The following ID2 variants were observed in gnomAD, a reference collection of about 807,000 sequenced individuals.
The protein encoded by ID2 is DNA-binding protein inhibitor ID-2.
Under a neutral mutation model 8.3 loss-of-function variants are expected in ID2, and 2 were observed. That is an observed-to-expected ratio of 0.24 (90% CI 0.10 to 0.76). The LOEUF (loss-of-function observed/expected upper bound fraction) is 0.76, where lower values mean the gene tolerates loss of function less well. Ranked by LOEUF, ID2 falls within the 30% of genes least tolerant of loss-of-function variation. ID2 has a pLI of 0.73. For missense variants in ID2, 155 were observed against 167.0 expected, an observed-to-expected ratio of 0.93 and a Z score of 0.40; for synonymous variants, 112 against 72.3, an observed-to-expected ratio of 1.55 and a Z score of -2.79.
rs1553298960 is a variant in ID2, at chr2:8,682,775, A to AC, written c.349-68_349-67insC. On this transcript the variant is annotated intron_variant, in intron 1 of 2. Coordinates refer to ENST00000396290, the MANE Select transcript of ID2 (RefSeq NM_002166.5). ...GTCTGTGGACTACAAAAAAAAAAAA[A>AC]AAAAAAAAAAAACCCTTTCTACTTA... The AC allele has an allele frequency of 2.3e-4, 269 of 1,179,016 alleles. 1 individual carries two copies. The highest frequency in any genetic ancestry group is 2.7e-4 in the Non-Finnish European group (219 of 814,906). The allele number at this position is 1,179,016 out of a possible 1,614,324, so 73.0% of individuals were successfully genotyped here.
At chr2:8,683,082 G>C (rs1257171610) in intron 2 of ID2, 176 bp downstream of exon 2, 9 of 623,222 alleles carry the variant, frequency 1.4e-5, no homozygotes, top group Non-Finnish European at 1.2e-5. Context: ...TGTAGCTTTG[G>C]GTGCTCGAGA....
At chr2:8,683,374 A>G (rs190266143) in intron 2 of ID2, among the ~76,000 whole-genome samples, 2 of 152,222 alleles carry the variant, frequency 1.3e-5, no homozygotes, top group Admixed American at 1.3e-4. Context: ...AGACTTCCCT[A>G]TCTGTTAACT....
intron 2 of ID2, 147 bp downstream of exon 2, chr2:8,683,053 C>CA (rs1662134653): frequency 2.9e-6 from 2 of 681,052 alleles, no homozygotes; most frequent in Non-Finnish European, 5.4e-6. Flanking sequence ...TACATTGTCT[C>CA]ACTAGACATG....
intron 2 of ID2, among the ~76,000 whole-genome samples, chr2:8,683,405 A>C (rs1234060482): frequency 6.6e-6 from 1 of 152,190 alleles, no homozygotes; most frequent in Non-Finnish European, 1.5e-5. Flanking sequence ...TTTCAATCAA[A>C]TAATTGTTAC....
chr2:8,682,766 A>AC, intron 1 of ID2, 77 bp from the exon 2 acceptor site: 1 of 832,600 alleles, frequency 1.2e-6, no homozygotes, highest in Non-Finnish European at 1.7e-6. Flanking sequence ...GGACTACAAA[A>AC]AAAAAAAAAA....
rs1462824280 is a variant in ID2 at position 8,684,172 on chromosome 2, TAATTAG to T, written c.*497_*502del. On this transcript the variant is annotated 3_prime_UTR_variant, in exon 3 of 3. Coordinates refer to ENST00000396290, the MANE Select transcript of ID2 (RefSeq NM_002166.5). ...TTTGAGTGAAACCTTGTGAACTCTT[TAATTAG>T]AGTTTTCTTGTATAGTGGCAGAGAT... 1 of 152,046 alleles carries T rather than the reference TAATTAG, an allele frequency of 6.6e-6. No individual in the cohort carries two copies. Among genetic ancestry groups the T allele is most frequent in the African/African-American group, 2.4e-5 (1 of 41,384 alleles). 9.4% of individuals were successfully genotyped at this position (152,046 alleles called of 1,614,324 possible). A position where few individuals can be genotyped will look rare whatever the true frequency, so the allele number is the denominator to read the frequency against.
In ID2 at chr2:8,682,882, A is replaced by C. The variant is rs1270481240; in HGVS notation, c.388A>C (p.Lys130Gln). ...TTCTGAGTTAATGTCAAATGACAGC[A>C]AAGCACTGTGTGGCTGAATAAGCGG... Reference protein sequence around the residue: ...FPSELMSNDSKALCG With the variant: ...FPSELMSNDSQALCG The change falls in exon 2 of 3, where the codon AAA becomes CAA. Residue 130 changes from lysine (K) to glutamine (Q), a missense_variant. This residue lies in a region of ID2 where 75 missense variants were observed against 72.2 expected (regional missense o/e 1.04). Coordinates refer to ENST00000396290, the MANE Select transcript of ID2 (RefSeq NM_002166.5). 2 of 1,614,040 alleles carry C rather than the reference A, an allele frequency of 1.2e-6. No homozygotes were observed. Among genetic ancestry groups the C allele is most frequent in the Non-Finnish European group, 1.7e-6 (2 of 1,179,894 alleles).
chr2:8,682,617 T>C (rs1227119919), intron 1 of ID2, 104 bp downstream of exon 1: 2 of 801,948 alleles, frequency 2.5e-6, no homozygotes, highest in Non-Finnish European at 4.0e-6. Context: ...TCGTATGAGC[T>C]ATTTAACTTT....
chr2:8,683,678 T>G lies in ID2; in HGVS notation c.*8-7T>G, dbSNP rs1662157807. The G allele has an allele frequency of 6.6e-6, 1 of 152,420 alleles. No individual in the cohort carries two copies. Among genetic ancestry groups the G allele is most frequent in the South Asian group, 2.1e-4 (1 of 4,826 alleles). 9.4% of individuals were successfully genotyped at this position (152,420 alleles called of 1,614,324 possible). A position where few individuals can be genotyped will look rare whatever the true frequency, so the allele number is the denominator to read the frequency against. On this transcript the variant is annotated splice_polypyrimidine_tract_variant and splice_region_variant and intron_variant, in intron 2 of 2. Transcript: ENST00000396290. ...TAAACATGCCTTTCTCCCCCACTCT[T>G]TCGCAGGTGTTCATGATTTCTTTTA...
At chr2:8,682,558 G>A (rs746664433) in intron 1 of ID2, 45 bp downstream of exon 1, 12 of 1,437,772 alleles carry the variant, frequency 8.3e-6, no homozygotes, top group Non-Finnish European at 2.9e-6. Context: ...GCACACTCCC[G>A]CGGTCGTCTG....
Position 8,682,788 on chromosome 2 carries a change from C to A in ID2, c.349-55C>A, listed in dbSNP as rs1243496307. 4.5e-5 allele frequency: 45 copies of A among 993,478 alleles called. 1 individual carries two copies. The highest frequency in any genetic ancestry group is 6.1e-5 in the Non-Finnish European group (40 of 653,896). 61.5% of individuals were successfully genotyped at this position (993,478 alleles called of 1,614,324 possible). On this transcript the variant is annotated intron_variant, in intron 1 of 2. Transcript: ENST00000396290. ...AAAAAAAAAAAAAAAAAAAAAAAAA[C>A]CCTTTCTACTTAACATTGTCTTAAC... is the stretch of plus-strand genomic sequence containing the variant.
rs924824888 is a variant in ID2 at position 8,682,076 on chromosome 2, C to G, written c.-90C>G. On this transcript the variant is annotated 5_prime_UTR_variant, in exon 1 of 3. Transcript: ENST00000396290. ...GCTTCATTCTGAGCCGAGCCCGGTG[C>G]CAAGCGCAGCTAGCTCAGCAGGCGG... is the stretch of plus-strand genomic sequence containing the variant. 3.3e-5 allele frequency: 35 copies of G among 1,053,792 alleles called. 1 individual carries two copies. The South Asian group carries it at 4.7e-4, about 14-fold the overall frequency. The allele number at this position is 1,053,792 out of a possible 1,614,324, so 65.3% of individuals were successfully genotyped here.
chr2:8,682,959 G>A, intron 2 of ID2, 53 bp downstream of exon 2: 1 of 1,350,804 alleles, frequency 7.4e-7, no homozygotes, highest in Non-Finnish European at 1.1e-6. Flanking sequence ...GTGTGTGTGC[G>A]CGCGCGCGCA....
chr2:8,683,125 G>C, intron 2 of ID2: 1 of 579,184 alleles, frequency 1.7e-6, no homozygotes, highest in East Asian at 2.9e-5. Context: ...AGGAAATGAT[G>C]CCAATAACTT....
At chr2:8,682,814 C>G (rs201480328) in intron 1 of ID2, 29 bp from the exon 2 acceptor site, 4 of 1,525,450 alleles carry the variant, frequency 2.6e-6, no homozygotes, top group East Asian at 4.5e-5. Flanking sequence ...TTGTCTTAAC[C>G]TCGTACTCTT....
Position 8,682,086 on chromosome 2 carries a change from C to G in ID2, c.-80C>G. 3.4e-6 allele frequency: 4 copies of G among 1,175,228 alleles called. No individual in the cohort carries two copies. Among genetic ancestry groups the G allele is most frequent in the Admixed American group, 1.9e-5 (1 of 51,490 alleles). The allele number at this position is 1,175,228 out of a possible 1,614,324, so 72.8% of individuals were successfully genotyped here. On this transcript the variant is annotated 5_prime_UTR_variant, in exon 1 of 3. Transcript: ENST00000396290. The stretch of plus-strand genomic sequence containing the variant: ...GAGCCGAGCCCGGTGCCAAGCGCAG[C>G]TAGCTCAGCAGGCGGCAGCGGCGGC...
intron 2 of ID2, 79 bp downstream of exon 2, chr2:8,682,985 G>T: frequency 2.8e-6 from 3 of 1,054,140 alleles, no homozygotes; most frequent in South Asian, 2.5e-5. Flanking sequence ...TTTTGCTTGT[G>T]TATCTATAAA....
At position 8,682,355 on chromosome 2, in the gene ID2, A is replaced by C; in HGVS notation, c.190A>C (p.Ile64Leu). ...GAACAAGAAGGTGAGCAAGATGGAA[A>C]TCCTGCAGCACGTCATCGACTACAT... Reference protein sequence around the residue: ...PQNKKVSKMEILQHVIDYILD... With the variant: ...PQNKKVSKMELLQHVIDYILD... Residue 64 changes from isoleucine to leucine, a missense_variant, in exon 1 of 3, where the codon ATC (isoleucine) becomes CTC (leucine). Transcript: ENST00000396290. The C allele has an allele frequency of 6.2e-7, 1 of 1,614,028 alleles. No individual in the cohort carries two copies. Among genetic ancestry groups the C allele is most frequent in the Non-Finnish European group, 8.5e-7 (1 of 1,180,018 alleles).
intron 1 of ID2, 74 bp downstream of exon 1, chr2:8,682,587 C>T (rs999327520): frequency 3.8e-5 from 42 of 1,091,134 alleles, no homozygotes; most frequent in Non-Finnish European, 5.6e-5. Context: ...CTAGGAGATC[C>T]GTAGCCCAGA....
Sources: allele counts gnomAD v4.1 joint callset (sites outside exome capture counted in the v4.1 genomes callset), GRCh38; gene constraint gnomAD v4.1.1; regional missense constraint gnomAD v4.1.1; transcripts MANE v1.5; gene names NCBI Gene and HGNC (gene_info 2026-07-23, HGNC 2026-07-21).